SIPA1L2: variants seen among roughly 807,000 people sequenced by gnomAD.
SIPA1L2 encodes signal induced proliferation associated 1 like 2.
SIPA1L2 carries 56 observed loss-of-function variants against 163.9 expected under a neutral mutation model. The observed-to-expected ratio is 0.34, with a 90% CI of 0.28 to 0.43. SIPA1L2 has a LOEUF of 0.43. SIPA1L2 is among the 20% of genes least tolerant of loss of function. The probability of loss-of-function intolerance (pLI) is 1.00; values close to 1 mark genes in which losing one functional copy is unlikely to be tolerated. For synonymous variants in SIPA1L2, 877 were observed against 865.7 expected, an observed-to-expected ratio of 1.01 and a Z score of -0.23; for missense variants, 1,974 against 2,193.5, an observed-to-expected ratio of 0.90 and a Z score of 2.00.
intron 19 of SIPA1L2, among the ~76,000 whole-genome samples, chr1:232,409,090 T>A (rs12751881): frequency 0.025 from 3,881 of 152,304 alleles, 92 homozygotes; most frequent in Middle Eastern, 0.065. Context: ...TTATCCCTAT[T>A]TTTGAATTAT....
rs1375357744 is a variant in SIPA1L2, at chr1:232,563,771, G to C, written c.-270+10403C>G. ...GCTCTGTTGCCCAGGCTGGAGTGCA[G>C]TGGCATGATCTCCGCTTCCTGCAGC... On this transcript the variant is annotated intron_variant, in intron 2 of 22. Transcript: ENST00000674635. 2.0e-5 allele frequency among the ~76,000 whole-genome samples: 3 copies of C among 148,726 alleles called. No homozygotes were observed. In the East Asian group the frequency reaches 6.1e-4, roughly 30 times the overall value.
chr1:232,484,014 G>C, intron 5 of SIPA1L2, 48 bp from the exon 6 acceptor site: 1 of 1,535,820 alleles, frequency 6.5e-7, no homozygotes, highest in East Asian at 2.3e-5. Context: ...TATCAGACAA[G>C]CTAACTTCCA....
At chr1:232,541,257 A>ATAACAT (rs1553309788) in intron 2 of SIPA1L2, among the ~76,000 whole-genome samples, 7 of 87,514 alleles carry the variant, frequency 8.0e-5, no homozygotes, top group African/African-American at 2.9e-4. Flanking sequence ...TTAACATAAC[A>ATAACAT]TAACATAACA....
chr1:232,438,987 G>T, intron 15 of SIPA1L2, 121 bp downstream of exon 15: 1 of 1,049,490 alleles, frequency 9.5e-7, no homozygotes, highest in Non-Finnish European at 1.3e-6. Flanking sequence ...AGACAGCTAG[G>T]AAAAATTACA....
intron 10 of SIPA1L2, among the ~76,000 whole-genome samples, chr1:232,449,329 T>C (rs565146847): frequency 2.0e-5 from 3 of 150,662 alleles, no homozygotes; most frequent in Non-Finnish European, 3.0e-5. Context: ...CCATCCTGGC[T>C]AACATGGTGA....
intron 2 of SIPA1L2, among the ~76,000 whole-genome samples, chr1:232,518,319 G>T (rs915364138): frequency 6.6e-6 from 1 of 152,048 alleles, no homozygotes; most frequent in African/African-American, 2.4e-5. Flanking sequence ...GAATTGCTTT[G>T]GAGAATCATT....
intron 10 of SIPA1L2, among the ~76,000 whole-genome samples, chr1:232,456,122 C>T (rs1663900751): frequency 6.6e-6 from 1 of 152,046 alleles, no homozygotes; most frequent in Non-Finnish European, 1.5e-5. Flanking sequence ...AAAAAAAAGT[C>T]TGCTTTGTAA....
intron 1 of SIPA1L2, among the ~76,000 whole-genome samples, chr1:232,580,012 A>T (rs76325226): frequency 0.079 from 12,097 of 152,310 alleles, 647 homozygotes; most frequent in Non-Finnish European, 0.12. Context: ...GTAAAGAATT[A>T]AAAAATGGCT....
chr1:232,527,725 C>CTTTTTTTTTTTTTTTTTTTTTT (rs57868657), intron 2 of SIPA1L2, among the ~76,000 whole-genome samples: 3 of 80,948 alleles, frequency 3.7e-5, no homozygotes, highest in South Asian at 5.9e-4. Context: ...TCTTCTTCTT[C>CTTTTTTTTTTTTTTTTTTTTTT]TTTTTTTTTT....
intron 10 of SIPA1L2, among the ~76,000 whole-genome samples, chr1:232,456,580 TA>T (rs2102905415): frequency 6.6e-6 from 1 of 152,362 alleles, no homozygotes; most frequent in South Asian, 2.1e-4. Flanking sequence ...TCACATTATA[TA>T]ACAACTCATG....
chr1:232,515,859 C>T (rs1467521906), intron 2 of SIPA1L2, among the ~76,000 whole-genome samples: 1 of 152,182 alleles, frequency 6.6e-6, no homozygotes, highest in East Asian at 1.9e-4. Context: ...ACCCTAATTG[C>T]ATCTAAGCAA....
At chr1:232,446,948 T>C (rs1020568683) in intron 10 of SIPA1L2, among the ~76,000 whole-genome samples, 6 of 152,226 alleles carry the variant, frequency 3.9e-5, no homozygotes, top group African/African-American at 1.4e-4. Flanking sequence ...CTTTAAAAAC[T>C]GATACTCTGA....
chr1:232,479,043 CT>C (rs1334746731), intron 7 of SIPA1L2, among the ~76,000 whole-genome samples: 1 of 152,194 alleles, frequency 6.6e-6, no homozygotes, highest in African/African-American at 2.4e-5. Context: ...AAAAAACTTG[CT>C]TGACTCAAAG....
intron 1 of SIPA1L2, among the ~76,000 whole-genome samples, chr1:232,614,383 G>A (rs1448151252): frequency 3.0e-4 from 46 of 152,310 alleles, no homozygotes; most frequent in Non-Finnish European, 1.5e-5. Flanking sequence ...CTTCAGTTCA[G>A]ATAGAGTAGA....
intron 3 of SIPA1L2, among the ~76,000 whole-genome samples, chr1:232,499,585 C>T (rs1417401826): frequency 2.0e-5 from 3 of 152,230 alleles, no homozygotes; most frequent in Non-Finnish European, 4.4e-5. Context: ...GAAGCTATCT[C>T]CACGCGGTAA....
At chr1:232,444,525 G>T (rs1276189879) in intron 11 of SIPA1L2, among the ~76,000 whole-genome samples, 1 of 152,108 alleles carries the variant, frequency 6.6e-6, no homozygotes, top group Non-Finnish European at 1.5e-5. Flanking sequence ...ATTCACTCTG[G>T]AAAGAATAAA....
At chr1:232,500,998 A>G (rs1343294906) in intron 3 of SIPA1L2, among the ~76,000 whole-genome samples, 1 of 149,980 alleles carries the variant, frequency 6.7e-6, no homozygotes, top group Non-Finnish European at 1.5e-5. Context: ...ATCAGAAGAA[A>G]GGTTGACTTG....
chr1:232,448,592 A>T (rs1292546983), intron 10 of SIPA1L2, among the ~76,000 whole-genome samples: 1 of 152,218 alleles, frequency 6.6e-6, no homozygotes, highest in Admixed American at 6.5e-5. Flanking sequence ...AATACACAGT[A>T]TGTAAGTTGG....
chr1:232,499,512 G>A (rs1048740033), intron 3 of SIPA1L2, among the ~76,000 whole-genome samples: 7 of 152,234 alleles, frequency 4.6e-5, no homozygotes, highest in African/African-American at 1.4e-4. Flanking sequence ...GCTGACAGAG[G>A]TGAGGAAGGT....
Sources: gnomAD v4.1 joint callset for allele counts (sites outside exome capture counted in the v4.1 genomes callset) on GRCh38, gnomAD v4.1.1 for gene constraint, MANE v1.5 for transcripts, NCBI Gene and HGNC (gene_info 2026-07-23, HGNC 2026-07-21) for gene names.